PTPRN2: variants seen among roughly 807,000 people sequenced by gnomAD.
PTPRN2 encodes the protein receptor-type tyrosine-protein phosphatase N2.
In PTPRN2, 74 loss-of-function variants were observed where a neutral mutation model predicts 118.8. The observed-to-expected ratio is 0.62, with a 90% CI of 0.52 to 0.76. PTPRN2 has a LOEUF of 0.76. PTPRN2 is among the 30% of genes least tolerant of loss of function. The pLI, the probability that PTPRN2 is intolerant of heterozygous loss-of-function variation, is 0.00. For missense variants in PTPRN2, 1,481 were observed against 1,394.4 expected, an observed-to-expected ratio of 1.06 and a Z score of -0.99; for synonymous variants, 641 against 608.0, an observed-to-expected ratio of 1.05 and a Z score of -0.80.
chr7:157,900,563 T>A (rs2128752659), intron 11 of PTPRN2, among the ~76,000 whole-genome samples: 1 of 152,372 alleles, frequency 6.6e-6, no homozygotes, highest in Middle Eastern at 3.4e-3. Flanking sequence ...TTGCTGGCCC[T>A]GAGGTCCAGG....
At position 157,560,694 on chromosome 7, in the gene PTPRN2, G is replaced by A. The variant is rs569194956; in HGVS notation, c.2902+8208C>T. On this transcript the variant is annotated intron_variant, in intron 21 of 22. Transcript: ENST00000389418. This position sits in a 1 kb window ranked among gnomAD's most constrained non-coding sequence, Gnocchi z 6.7. The stretch of plus-strand genomic sequence containing the variant: ...CAACTTCTCCCTTGAAGAGAAAGGT[G>A]CAGACAGGCTCCCTCTCCCCTTCCC... 3.9e-5 allele frequency among the ~76,000 whole-genome samples: 6 copies of A among 152,288 alleles called. 1 individual carries two copies. The South Asian group carries it at 1.2e-3, about 32-fold the overall frequency.
At chr7:158,578,028 G>A (rs1828432708) in intron 1 of PTPRN2, among the ~76,000 whole-genome samples, 1 of 152,226 alleles carries the variant, frequency 6.6e-6, no homozygotes, top group Non-Finnish European at 1.5e-5. Flanking sequence ...CGCTTCAGAA[G>A]AGCAAAGGGA....
At chr7:158,448,061 C>T (rs1018387724) in intron 2 of PTPRN2, among the ~76,000 whole-genome samples, 1 of 152,344 alleles carries the variant, frequency 6.6e-6, no homozygotes, top group South Asian at 2.1e-4. Flanking sequence ...TGAAGCCAAG[C>T]CCAGCATGGC....
At chr7:158,107,481 A>G (rs78357684) in intron 10 of PTPRN2, among the ~76,000 whole-genome samples, 2,104 of 151,996 alleles carry the variant, frequency 0.014, 53 homozygotes, top group East Asian at 0.099. Context: ...AGAACCCCAG[A>G]TGCCCAAACA....
intron 11 of PTPRN2, among the ~76,000 whole-genome samples, chr7:158,070,635 T>A (rs111161549): frequency 8.4e-6 from 1 of 118,464 alleles, no homozygotes; most frequent in Non-Finnish European, 1.7e-5. Flanking sequence ...CCCCTGGTGG[T>A]GGAGGTGCCC....
At chr7:158,390,282 C>T (rs888276472) in intron 2 of PTPRN2, among the ~76,000 whole-genome samples, 3 of 152,220 alleles carry the variant, frequency 2.0e-5, no homozygotes, top group African/African-American at 7.2e-5. Context: ...CAGCCAGGGG[C>T]AGCCGGCACC....
At chr7:158,309,096 T>C (rs534351913) in intron 3 of PTPRN2, among the ~76,000 whole-genome samples, 1 of 152,098 alleles carries the variant, frequency 6.6e-6, no homozygotes, top group African/African-American at 2.4e-5. Context: ...CCAAAAAAAA[T>C]AAAGAAAGAA....
At chr7:157,939,305 G>C (rs1799906691) in intron 11 of PTPRN2, among the ~76,000 whole-genome samples, 2 of 152,266 alleles carry the variant, frequency 1.3e-5, no homozygotes, top group Admixed American at 1.3e-4. Context: ...TGTCTCACTA[G>C]CAAGGTTTCC....
intron 11 of PTPRN2, among the ~76,000 whole-genome samples, chr7:157,979,872 C>A (rs867209860): frequency 5.3e-5 from 8 of 152,198 alleles, no homozygotes; most frequent in African/African-American, 1.9e-4. Flanking sequence ...CCAACCATAC[C>A]CTCATGTGAG....
chr7:157,797,122 C>G (rs977337686), intron 12 of PTPRN2, among the ~76,000 whole-genome samples: 1 of 152,210 alleles, frequency 6.6e-6, no homozygotes, highest in African/African-American at 2.4e-5. Context: ...ACACGGCCCA[C>G]GGCTGTGTCA....
chr7:158,458,165 C>T (rs941660479), intron 2 of PTPRN2, among the ~76,000 whole-genome samples: 8 of 152,190 alleles, frequency 5.3e-5, no homozygotes, highest in East Asian at 1.9e-4. Flanking sequence ...CCCCATCCTC[C>T]GAGCTTGGCC....
At chr7:157,812,390 G>T (rs953416737) in intron 12 of PTPRN2, among the ~76,000 whole-genome samples, 2 of 148,828 alleles carry the variant, frequency 1.3e-5, no homozygotes, top group African/African-American at 5.2e-5. Flanking sequence ...TGGGGCATGA[G>T]GGAGGTGAGG....
intron 12 of PTPRN2, among the ~76,000 whole-genome samples, chr7:157,726,452 C>G (rs1210700573): frequency 6.6e-6 from 1 of 152,356 alleles, no homozygotes; most frequent in East Asian, 1.9e-4. Flanking sequence ...TGAGCCAGAC[C>G]GTCACCTCCC....
In PTPRN2 at chr7:157,799,632, G is replaced by A. The variant is rs563070980; in HGVS notation, c.1788+99041C>T. ...GCTCCTCAGGCCCAGTGTTCTGAGC[G>A]TGGAGTGAACTTTCTAAGTCACAAT... is the stretch of plus-strand genomic sequence containing the variant. On this transcript the variant is annotated intron_variant, in intron 12 of 22. Transcript: ENST00000389418. Among the ~76,000 whole-genome samples the A allele has an allele frequency of 7.2e-5, 11 of 152,198 alleles. No individual in the cohort carries two copies. The South Asian group carries it at 1.5e-3, about 20-fold the overall frequency.
chr7:157,856,359 G>A (rs1183829237), intron 12 of PTPRN2, among the ~76,000 whole-genome samples: 2 of 152,048 alleles, frequency 1.3e-5, no homozygotes, highest in Non-Finnish European at 2.9e-5. Flanking sequence ...GCTGTTTTTT[G>A]TTTTCGCTTT....
rs562055626 is a variant in PTPRN2 at position 157,829,459 on chromosome 7, G to T, written c.1788+69214C>A. On this transcript the variant is annotated intron_variant, in intron 12 of 22. Coordinates refer to ENST00000389418, the MANE Select transcript of PTPRN2 (RefSeq NM_002847.5). ...CAGATGCGGGCCCGTGTGCACCGCA[G>T]GCCATACGTGGGGTTAGGTAAGTTT... is the stretch of plus-strand genomic sequence containing the variant. 3.3e-5 allele frequency among the ~76,000 whole-genome samples: 5 copies of T among 152,350 alleles called. No individual in the cohort carries two copies. The South Asian group carries it at 1.0e-3, about 32-fold the overall frequency.
chr7:158,533,945 T>A (rs1451975920), intron 1 of PTPRN2, among the ~76,000 whole-genome samples: 1 of 152,210 alleles, frequency 6.6e-6, no homozygotes, highest in Non-Finnish European at 1.5e-5. Context: ...TGGGGATGCC[T>A]TGCCTGAAGA....
intron 9 of PTPRN2, among the ~76,000 whole-genome samples, chr7:158,130,401 AACAC>A (rs556935918): frequency 2.6e-5 from 4 of 151,316 alleles, no homozygotes; most frequent in Non-Finnish European, 5.9e-5. Flanking sequence ...ACTTCTACCC[AACAC>A]ACACACTCAT....
chr7:158,128,351 A>G (rs1410591078), intron 9 of PTPRN2, among the ~76,000 whole-genome samples: 4 of 152,238 alleles, frequency 2.6e-5, no homozygotes, highest in African/African-American at 9.6e-5. Flanking sequence ...TTCACCAGAT[A>G]GCTTCCAACC....
Sources: gnomAD v4.1 joint callset for allele counts (sites outside exome capture counted in the v4.1 genomes callset) on GRCh38, gnomAD v4.1.1 for gene constraint, Gnocchi (gnomAD v3.1) non-coding constraint, MANE v1.5 for transcripts, NCBI Gene and HGNC (gene_info 2026-07-23, HGNC 2026-07-21) for gene names.